CNTN5: variants seen among roughly 807,000 people sequenced by gnomAD.
The protein encoded by CNTN5 is contactin 5.
In CNTN5, 77 loss-of-function variants were observed where a neutral mutation model predicts 129.1. The observed-to-expected ratio is 0.60, with a 90% CI of 0.50 to 0.72. The LOEUF is 0.72. CNTN5 is among the 30% of genes least tolerant of loss of function. CNTN5 has a pLI of 0.00. For missense variants in CNTN5, 1,478 were observed against 1,328.8 expected (o/e 1.11, Z -1.75); for synonymous variants, 509 against 465.6 (o/e 1.09, Z -1.20).
chr11:100,324,658 A>G (rs1458031335), intron 21 of CNTN5, among the ~76,000 whole-genome samples: 2 of 152,162 alleles, frequency 1.3e-5, no homozygotes, highest in Admixed American at 1.3e-4. Context: ...ACACTGAACT[A>G]CATGTGTTAG....
chr11:99,171,065 GT>G (rs61449791), intron 1 of CNTN5, among the ~76,000 whole-genome samples: 12 of 151,402 alleles, frequency 7.9e-5, no homozygotes, highest in Non-Finnish European at 1.0e-4. Flanking sequence ...GAATATATTA[GT>G]TTTTTTTTCT....
intron 9 of CNTN5, among the ~76,000 whole-genome samples, chr11:100,053,300 T>C (rs1943053677): frequency 6.6e-6 from 1 of 151,292 alleles, no homozygotes; most frequent in Non-Finnish European, 1.5e-5. Flanking sequence ...GGTAAGAAAA[T>C]AAAAAGGCAA....
chr11:100,049,534 G>A (rs541029207), intron 9 of CNTN5, among the ~76,000 whole-genome samples: 14 of 152,136 alleles, frequency 9.2e-5, no homozygotes, highest in Admixed American at 6.6e-4. Flanking sequence ...TATATTAAAT[G>A]TAAATTCACA....
intron 3 of CNTN5, among the ~76,000 whole-genome samples, chr11:99,629,103 G>A (rs668173): frequency 0.61 from 92,477 of 151,284 alleles, 29,092 homozygotes; most frequent in Admixed American, 0.74. Context: ...TTGGGTCAAT[G>A]CCAGAAATTA....
chr11:99,077,429 C>A (rs1036447731), intron 1 of CNTN5, among the ~76,000 whole-genome samples: 8 of 152,172 alleles, frequency 5.3e-5, no homozygotes, highest in Non-Finnish European at 1.0e-4. Flanking sequence ...TTAAGCACTA[C>A]TCCATAGATT....
intron 1 of CNTN5, among the ~76,000 whole-genome samples, chr11:99,037,584 T>C (rs866992077): frequency 7.9e-4 from 116 of 146,330 alleles, no homozygotes; most frequent in African/African-American, 2.8e-3. Flanking sequence ...TTCTTTTTTT[T>C]TTTTTTTTTT....
intron 3 of CNTN5, among the ~76,000 whole-genome samples, chr11:99,743,452 C>T (rs1033811647): frequency 2.0e-5 from 3 of 152,144 alleles, no homozygotes; most frequent in African/African-American, 7.2e-5. Flanking sequence ...ATTCACTGTC[C>T]CATAAAAACT....
At chr11:100,122,542 AG>A (rs1264072545) in intron 13 of CNTN5, among the ~76,000 whole-genome samples, 1 of 152,104 alleles carries the variant, frequency 6.6e-6, no homozygotes, top group East Asian at 1.9e-4. Flanking sequence ...TAACAATCAA[AG>A]AAGTCCAATC....
At chr11:99,107,273 C>T (rs375326688) in intron 1 of CNTN5, among the ~76,000 whole-genome samples, 4 of 151,974 alleles carry the variant, frequency 2.6e-5, no homozygotes, top group East Asian at 1.9e-4. Context: ...TACATACATA[C>T]GTAAGTGGCC....
At chr11:100,143,799 G>A (rs1292379463) in intron 13 of CNTN5, among the ~76,000 whole-genome samples, 37 of 152,216 alleles carry the variant, frequency 2.4e-4, no homozygotes, top group Non-Finnish European at 1.5e-5. Flanking sequence ...CACGGGAAAG[G>A]GACCTGAGGT....
intron 13 of CNTN5, among the ~76,000 whole-genome samples, chr11:100,122,967 AT>A (rs1217866313): frequency 6.6e-5 from 10 of 152,044 alleles, no homozygotes; most frequent in Admixed American, 2.0e-4. Context: ...TGTTTTGTAG[AT>A]AATTTGACTG....
intron 18 of CNTN5, among the ~76,000 whole-genome samples, chr11:100,286,736 A>G (rs1456757052): frequency 1.3e-5 from 2 of 149,398 alleles, no homozygotes; most frequent in South Asian, 4.2e-4. Context: ...CTCACCAGCA[A>G]CGGAACAAAG....
At position 99,090,850 on chromosome 11, in the gene CNTN5, G is replaced by A. The variant is rs186264410; in HGVS notation, c.-210+69580G>A. 4.2e-3 allele frequency among the ~76,000 whole-genome samples: 631 copies of A among 151,302 alleles called. 5 individuals are homozygous for A. Among genetic ancestry groups the A allele is most frequent in the African/African-American group, 0.015 (606 of 41,282 alleles). ...ATCCTGGCTAACACGGTGAAACCCCGTCTCTACTAAAAATACAAAAAATTA... is the reference window on the plus strand; with the variant it reads ...ATCCTGGCTAACACGGTGAAACCCCATCTCTACTAAAAATACAAAAAATTA... On this transcript the variant is annotated intron_variant, in intron 1 of 24. Transcript: ENST00000524871.
intron 1 of CNTN5, among the ~76,000 whole-genome samples, chr11:99,169,202 GA>G: frequency 6.6e-6 from 1 of 152,202 alleles, no homozygotes; most frequent in Non-Finnish European, 1.5e-5. Context: ...TTTTCTGTTT[GA>G]GAAAAATTAC....
chr11:99,033,867 C>T (rs1240264019), intron 1 of CNTN5, among the ~76,000 whole-genome samples: 1 of 151,176 alleles, frequency 6.6e-6, no homozygotes, highest in African/African-American at 2.4e-5. Flanking sequence ...GGGAATGCTT[C>T]CAGTTTTTGC....
At chr11:99,770,928 C>G (rs1166149677) in intron 3 of CNTN5, among the ~76,000 whole-genome samples, 2 of 151,974 alleles carry the variant, frequency 1.3e-5, no homozygotes, top group African/African-American at 4.8e-5. Flanking sequence ...CTATAATAAT[C>G]AAAAGAGTAT....
At chr11:99,343,190 A>G (rs1866602221) in intron 2 of CNTN5, among the ~76,000 whole-genome samples, 1 of 152,276 alleles carries the variant, frequency 6.6e-6, no homozygotes, top group Non-Finnish European at 1.5e-5. Flanking sequence ...CTGGGAAATG[A>G]TGAAAGAAAT....
intron 12 of CNTN5, among the ~76,000 whole-genome samples, 161 bp downstream of exon 12, chr11:100,071,995 A>T (rs1046238118): frequency 6.6e-6 from 1 of 152,218 alleles, no homozygotes; most frequent in African/African-American, 2.4e-5. Context: ...TTTAGTAGAC[A>T]GGTTTATGTT....
intron 6 of CNTN5, among the ~76,000 whole-genome samples, chr11:99,887,843 T>C (rs951870177): frequency 6.6e-6 from 1 of 152,348 alleles, no homozygotes; most frequent in Middle Eastern, 3.4e-3. Flanking sequence ...AGCCTAGCCA[T>C]GCTGGTAGCT....
Sources: allele counts gnomAD v4.1 joint callset (sites outside exome capture counted in the v4.1 genomes callset), GRCh38; gene constraint gnomAD v4.1.1; transcripts MANE v1.5; gene names NCBI Gene and HGNC (gene_info 2026-07-23, HGNC 2026-07-21).